Variants in USP36 observed in about 807,000 individuals in gnomAD.
USP36 encodes the protein ubiquitin carboxyl-terminal hydrolase 36.
A neutral mutation model predicts 111.5 loss-of-function variants in USP36; 59 were observed. The ratio of observed to expected loss-of-function variants is 0.53; its 90% CI spans 0.43 to 0.66. USP36 has a LOEUF of 0.66. Ranked by LOEUF, USP36 falls within the 30% of genes least tolerant of loss-of-function variation. USP36 has a pLI of 0.00. For synonymous variants in USP36, 628 were observed against 581.0 expected (o/e 1.08, Z -1.16); for missense variants, 1,488 against 1,468.0 (o/e 1.01, Z -0.22).
upstream of USP36, chr17:78,840,879 C>G (rs1014137616): frequency 1.1e-4 from 16 of 152,308 alleles, no homozygotes; most frequent in Admixed American, 8.5e-4. Flanking sequence ...CCAGCGTTCG[C>G]GCTGCGCTAA....
chr17:78,790,019 G>A lies in USP36; in HGVS notation c.*21-2361C>T, dbSNP rs746857462. On this transcript the variant is annotated intron_variant, in intron 3 of 3. Coordinates refer to the USP36 transcript ENST00000588130. ...TTCACTCATTCAACAAATATTTACC[G>A]GGTGGCTGGTAAGTGCTAGGCCTTG... Among the ~76,000 whole-genome samples the A allele has an allele frequency of 3.3e-4, 51 of 152,310 alleles. 1 individual carries two copies. The Middle Eastern group carries it at 0.01, about 30-fold the overall frequency.
intron 4 of USP36, among the ~76,000 whole-genome samples, chr17:78,830,623 C>T (rs2067998947): frequency 6.6e-6 from 1 of 152,142 alleles, no homozygotes; most frequent in South Asian, 2.1e-4. Context: ...CAAATAGATC[C>T]ATCTCATAAC....
chr17:78,800,274 C>T (rs1029357112), intron 17 of USP36, among the ~76,000 whole-genome samples: 34 of 152,220 alleles, frequency 2.2e-4, no homozygotes, highest in Admixed American at 2.6e-4. Flanking sequence ...CAGCCTGACA[C>T]CTGGATGGCC....
Position 78,798,127 on chromosome 17 carries a change from A to G in USP36, c.*21-248T>C. ...CATGCCACAGATGCCAGGTGTACAC[A>G]CCCCACACCCAACACACACTACACA... On this transcript the variant is annotated intron_variant, in intron 20 of 20. Coordinates refer to ENST00000449938, the MANE Select transcript of USP36 (RefSeq NM_001385174.1). The surrounding 1 kb of genome is among the most constrained non-coding windows in gnomAD (Gnocchi z 5.1). The G allele has an allele frequency of 2.4e-6, 1 of 425,304 alleles. No individual in the cohort carries two copies. The highest frequency in any genetic ancestry group is 3.8e-5 in the South Asian group (1 of 25,998). The allele number at this position is 425,304 out of a possible 1,614,324, so 26.3% of individuals were successfully genotyped here.
At chr17:78,805,722 A>C (rs1273885814) in intron 15 of USP36, among the ~76,000 whole-genome samples, 1 of 152,210 alleles carries the variant, frequency 6.6e-6, no homozygotes, top group African/African-American at 2.4e-5. Flanking sequence ...CTTAACCTGC[A>C]TGACGCTAGC....
chr17:78,799,701 G>C lies in USP36; in HGVS notation c.3090C>G (p.Leu1030=), dbSNP rs763957544. The change falls in exon 18 of 21, where the codon CTC becomes CTG. Residue 1030 remains leucine (L), a synonymous_variant. Transcript: ENST00000449938. ...ERESDVVQEL[L]KYSSDKAYGR... is the part of the protein sequence containing the mutation. Reference sequence around the variant, plus strand: ...CGTAAGCTTTATCAGATGAGTATTTGAGCAGTTCCTGGACCACATCAGACT... The same window carrying C: ...CGTAAGCTTTATCAGATGAGTATTTCAGCAGTTCCTGGACCACATCAGACT... The C allele has an allele frequency of 6.2e-7, 1 of 1,613,082 alleles. No homozygotes were observed. Among genetic ancestry groups the C allele is most frequent in the East Asian group, 2.2e-5 (1 of 44,754 alleles).
chr17:78,841,069 A>G (rs556202106), upstream of USP36: 3 of 152,288 alleles, frequency 2.0e-5, no homozygotes, highest in East Asian at 5.8e-4. Flanking sequence ...CGGCAGGGTG[A>G]CGTCTCCGCA....
chr17:78,788,565 C>T (rs995276061), intron 3 of USP36, among the ~76,000 whole-genome samples: 2 of 151,464 alleles, frequency 1.3e-5, no homozygotes, highest in Admixed American at 6.6e-5. Context: ...AAGGTGCAAG[C>T]TGGAGGGTCT....
At chr17:78,818,552 G>GC (rs2094241913) in intron 10 of USP36, 115 bp downstream of exon 10, 1 of 871,046 alleles carries the variant, frequency 1.1e-6, no homozygotes, top group Admixed American at 2.0e-5. Flanking sequence ...TTTAGAACAG[G>GC]GACAGGTACT....
downstream of USP36, among the ~76,000 whole-genome samples, chr17:78,795,318 T>C (rs1468999137): frequency 6.6e-6 from 1 of 152,214 alleles, no homozygotes; most frequent in Non-Finnish European, 1.5e-5. This position sits in a 1 kb window ranked among gnomAD's most constrained non-coding sequence, Gnocchi z 4.5. Flanking sequence ...TGATGCCCTG[T>C]GTTTGGTGGA....
At position 78,813,369 on chromosome 17, in the gene USP36, C is replaced by G. The variant is rs115853169; in HGVS notation, c.1266-368G>C. Among the ~76,000 whole-genome samples the G allele has an allele frequency of 1.7e-3, 256 of 152,272 alleles. 2 individuals carry two copies. Among genetic ancestry groups the G allele is most frequent in the African/African-American group, 5.8e-3 (243 of 41,552 alleles). On this transcript the variant is annotated intron_variant, in intron 12 of 20. Transcript: ENST00000449938. ...GCCTCCAGGTCAGTGACAGCCAGCT[C>G]CAGGAGAAGGCCCCTCCAGAGAAGC...
chr17:78,821,411 TATATA>T (rs1333285303), intron 7 of USP36: 138 of 67,484 alleles, frequency 2.0e-3, no homozygotes, highest in Non-Finnish European at 2.8e-3. Context: ...TATATATATA[TATATA>T]TATATTTTTT....
rs10527657 is a variant in USP36, at chr17:78,834,997, G to GTATATATATATATATATATATA, written c.475+282_475+283insTATATATATATATATATATATA. 3.9e-3 allele frequency among the ~76,000 whole-genome samples: 556 copies of GTATATATATATATATATATATA among 141,270 alleles called. 8 individuals are homozygous for GTATATATATATATATATATATA. The highest frequency in any genetic ancestry group is 0.015 in the African/African-American group (536 of 35,692). The allele number at this position is 141,270 out of a possible 152,430, so 92.7% of individuals were successfully genotyped here. A position where few individuals can be genotyped will look rare whatever the true frequency, so the allele number is the denominator to read the frequency against. ...TACTGTCTCTAAAAAAATAATATTT[G>GTATATATATATATATATATATA]TATATATATATATATATATATTTTG... On this transcript the variant is annotated intron_variant, in intron 4 of 20. Transcript: ENST00000449938.
chr17:78,841,106 G>A (rs2069254239), upstream of USP36: 1 of 152,174 alleles, frequency 6.6e-6, no homozygotes, highest in Admixed American at 6.5e-5. Flanking sequence ...GCTACTTCCG[G>A]GTCGGCCGAG....
chr17:78,802,739 G>A (rs968034701), intron 16 of USP36, among the ~76,000 whole-genome samples: 2 of 152,124 alleles, frequency 1.3e-5, no homozygotes, highest in Non-Finnish European at 2.9e-5. Context: ...AACCAGTCGC[G>A]TTTCCCATCC....
chr17:78,799,721 C>G lies in USP36; in HGVS notation c.3070G>C (p.Asp1024His), dbSNP rs1351770667. The G allele has an allele frequency of 3.1e-6, 5 of 1,613,098 alleles. No individual in the cohort carries two copies. The highest frequency in any genetic ancestry group is 4.2e-6 in the Non-Finnish European group (5 of 1,179,644). ...TATTTGAGCAGTTCCTGGACCACATCAGACTCCCGCTCTCCATTCCAAGAC... is the reference window on the plus strand; with the variant it reads ...TATTTGAGCAGTTCCTGGACCACATGAGACTCCCGCTCTCCATTCCAAGAC... ...PVSWNGERES[D>H]VVQELLKYSS... is the part of the protein sequence containing the mutation. Residue 1024 changes from aspartate (D) to histidine (H), a missense_variant, in exon 18 of 21, where the codon GAT becomes CAT. Physicochemically the swap from Asp to His is moderately conservative, Grantham distance 81. Transcript: ENST00000449938.
Position 78,813,271 on chromosome 17 carries a change from A to ACC in USP36, c.1266-272_1266-271dup, listed in dbSNP as rs3068286. Among the ~76,000 whole-genome samples, 433 of 151,304 alleles carry ACC rather than the reference A, an allele frequency of 2.9e-3. 1 individual carries two copies. The highest frequency in any genetic ancestry group is 1.0e-2 in the African/African-American group (413 of 41,320). On this transcript the variant is annotated intron_variant, in intron 12 of 20. Coordinates refer to ENST00000449938, the MANE Select transcript of USP36 (RefSeq NM_001385174.1). ...GAGTTCAATGCACCAGAAAGCAAGA[A>ACC]CCTCAAACACCTCAGCCACACTCTG...
intron 4 of USP36, among the ~76,000 whole-genome samples, chr17:78,835,000 TA>T (rs2063443912): frequency 1.6e-5 from 1 of 62,094 alleles, no homozygotes; most frequent in Non-Finnish European, 3.0e-5. Context: ...AATATTTGTA[TA>T]TATATATATA....
chr17:78,830,109 T>C (rs2067951698), intron 4 of USP36, among the ~76,000 whole-genome samples: 1 of 152,196 alleles, frequency 6.6e-6, no homozygotes, highest in African/African-American at 2.4e-5. Context: ...CGAACTCCCC[T>C]CAATCTCTCT....
Sources: allele counts gnomAD v4.1 joint callset (sites outside exome capture counted in the v4.1 genomes callset), GRCh38; gene constraint gnomAD v4.1.1; non-coding constraint Gnocchi (gnomAD v3.1); transcripts MANE v1.5; gene names NCBI Gene and HGNC (gene_info 2026-07-23, HGNC 2026-07-21).